The following CSMD1 variants were observed in gnomAD, a reference collection of about 807,000 sequenced individuals.
The protein encoded by CSMD1 is CUB and Sushi multiple domains 1.
CSMD1 carries 213 observed loss-of-function variants against 417.5 expected under a neutral mutation model. The observed-to-expected ratio is 0.51, with a 90% CI of 0.46 to 0.57. The LOEUF (loss-of-function observed/expected upper bound fraction) is 0.57, where lower values mean the gene tolerates loss of function less well. CSMD1 is among the 20% of genes least tolerant of loss of function. CSMD1 has a pLI of 0.00. For synonymous variants in CSMD1, 2,862 were observed against 1,736.8 expected, an observed-to-expected ratio of 1.65 and a Z score of -16.11; for missense variants, 6,923 against 4,529.7, an observed-to-expected ratio of 1.53 and a Z score of -15.17.
chr8:3,394,331 G>T (rs193151552), intron 17 of CSMD1, among the ~76,000 whole-genome samples: 1 of 149,532 alleles, frequency 6.7e-6, no homozygotes, highest in African/African-American at 2.4e-5. Context: ...AAGCTAAATA[G>T]AAATTTATGA....
At chr8:4,588,330 C>G (rs953428914) in intron 2 of CSMD1, among the ~76,000 whole-genome samples, 6 of 145,706 alleles carry the variant, frequency 4.1e-5, no homozygotes, top group African/African-American at 1.5e-4. Flanking sequence ...ACCACAGTTT[C>G]AAATACAGTA....
intron 2 of CSMD1, among the ~76,000 whole-genome samples, chr8:4,552,282 G>A (rs1797908060): frequency 6.6e-6 from 1 of 151,780 alleles, no homozygotes; most frequent in Admixed American, 6.6e-5. Flanking sequence ...AAGGACCTGG[G>A]AAAATCCTTC....
intron 2 of CSMD1, among the ~76,000 whole-genome samples, chr8:4,607,444 G>T (rs1261426835): frequency 5.9e-5 from 9 of 152,148 alleles, no homozygotes; most frequent in Non-Finnish European, 1.2e-4. Context: ...GGAAACTGTT[G>T]AAACAGTTGT....
intron 1 of CSMD1, among the ~76,000 whole-genome samples, chr8:4,875,349 T>C (rs960978273): frequency 2.6e-5 from 4 of 152,138 alleles, no homozygotes; most frequent in African/African-American, 4.8e-5. Flanking sequence ...TTGAATATTT[T>C]GGAACTGAAA....
chr8:3,826,481 G>T (rs1331525355), intron 5 of CSMD1, among the ~76,000 whole-genome samples: 1 of 152,092 alleles, frequency 6.6e-6, no homozygotes, highest in East Asian at 1.9e-4. Context: ...ACATCTCCTA[G>T]GCAGGGGGAC....
At chr8:4,958,224 G>A (rs1051285576) in intron 1 of CSMD1, among the ~76,000 whole-genome samples, 1 of 152,076 alleles carries the variant, frequency 6.6e-6, no homozygotes. Flanking sequence ...TAGTTTTCAT[G>A]AAGAGTCAAT....
intron 3 of CSMD1, among the ~76,000 whole-genome samples, chr8:4,362,392 G>A (rs543222503): frequency 1.7e-4 from 26 of 150,210 alleles, no homozygotes; most frequent in Admixed American, 1.3e-3. Context: ...AGAGCCTGGG[G>A]ACAGAGTCTC....
intron 2 of CSMD1, among the ~76,000 whole-genome samples, chr8:4,439,657 G>A (rs779380043): frequency 2.0e-5 from 3 of 152,158 alleles, no homozygotes; most frequent in African/African-American, 4.8e-5. Context: ...GAAGTTGGTA[G>A]GAGTGCGTAC....
intron 26 of CSMD1, among the ~76,000 whole-genome samples, chr8:3,256,110 C>A (rs919815325): frequency 1.3e-5 from 2 of 151,912 alleles, no homozygotes; most frequent in Non-Finnish European, 2.9e-5. Context: ...GACCAATCAC[C>A]TGAGGTCAGG....
chr8:4,950,522 T>G (rs972157716), intron 1 of CSMD1, among the ~76,000 whole-genome samples: 4 of 152,200 alleles, frequency 2.6e-5, no homozygotes, highest in African/African-American at 9.7e-5. Flanking sequence ...ACTACTTTAT[T>G]CATAAAAAAG....
intron 3 of CSMD1, among the ~76,000 whole-genome samples, chr8:4,143,222 T>C (rs1002153478): frequency 2.0e-5 from 3 of 151,182 alleles, no homozygotes; most frequent in Admixed American, 6.6e-5. Context: ...AACGGTGTGG[T>C]CTAAACCCTC....
At chr8:3,455,300 C>A (rs1043650119) in intron 12 of CSMD1, among the ~76,000 whole-genome samples, 5 of 152,174 alleles carry the variant, frequency 3.3e-5, no homozygotes, top group African/African-American at 1.2e-4. Flanking sequence ...CTGAAGCCTT[C>A]TTCTCTCAAC....
intron 26 of CSMD1, among the ~76,000 whole-genome samples, chr8:3,262,876 A>G (rs953053848): frequency 1.3e-5 from 2 of 152,212 alleles, no homozygotes; most frequent in Admixed American, 6.5e-5. Context: ...AATTACTTTT[A>G]TTTTGTACAA....
chr8:3,069,453 G>C (rs1321251061), intron 49 of CSMD1, among the ~76,000 whole-genome samples: 3 of 151,370 alleles, frequency 2.0e-5, no homozygotes, highest in Admixed American at 6.6e-5. Context: ...AAAAGAAAAA[G>C]AAAAAGAAAG....
intron 1 of CSMD1, among the ~76,000 whole-genome samples, chr8:4,813,419 C>T (rs763189296): frequency 9.9e-5 from 15 of 152,158 alleles, no homozygotes; most frequent in East Asian, 3.8e-4. Context: ...GGAACTCAGC[C>T]TACCAGTCTG....
intron 3 of CSMD1, among the ~76,000 whole-genome samples, chr8:4,117,185 G>C (rs915263915): frequency 3.3e-5 from 5 of 151,786 alleles, no homozygotes; most frequent in East Asian, 1.9e-4. Flanking sequence ...TATTCATCTC[G>C]ATGGTTGCTG....
chr8:3,463,872 G>T (rs191802720), intron 12 of CSMD1, among the ~76,000 whole-genome samples: 1 of 152,114 alleles, frequency 6.6e-6, no homozygotes, highest in Non-Finnish European at 1.5e-5. Flanking sequence ...ACAACACACA[G>T]CCTCACTTCC....
chr8:3,987,345 T>A lies in CSMD1; in HGVS notation c.818+10558A>T, dbSNP rs567225940. Among the ~76,000 whole-genome samples, 19 of 152,330 alleles carry A rather than the reference T, an allele frequency of 1.2e-4. 1 individual carries two copies. The highest frequency in any genetic ancestry group is 4.6e-4 in the African/African-American group (19 of 41,582). The stretch of plus-strand genomic sequence containing the variant: ...TCTCCTCCAAGTACCGACAGCATCT[T>A]TGCAACTGCATTGCTTATTTGTTGT... On this transcript the variant is annotated intron_variant, in intron 5 of 69. Coordinates refer to ENST00000635120, the MANE Select transcript of CSMD1 (RefSeq NM_033225.6).
chr8:3,162,064 G>A, intron 38 of CSMD1, 95 bp downstream of exon 38: 2 of 772,090 alleles, frequency 2.6e-6, no homozygotes, highest in Non-Finnish European at 4.4e-6. Flanking sequence ...ACTGAGTGAG[G>A]AAAACATGGG....
Sources: gnomAD v4.1 joint callset for allele counts (sites outside exome capture counted in the v4.1 genomes callset) on GRCh38, gnomAD v4.1.1 for gene constraint, MANE v1.5 for transcripts, NCBI Gene and HGNC (gene_info 2026-07-23, HGNC 2026-07-21) for gene names.